Variants in UBAP2L observed in about 807,000 individuals in gnomAD.
The protein encoded by UBAP2L is ubiquitin-associated protein 2-like.
In UBAP2L, 12 loss-of-function variants were observed where a neutral mutation model predicts 130.6. That is an observed-to-expected ratio of 0.09 (90% confidence interval 0.06 to 0.15). UBAP2L has a LOEUF of 0.15. Among genes scored for constraint, UBAP2L ranks in the 10% least tolerant of loss-of-function variants. The probability of loss-of-function intolerance (pLI) is 1.00; values close to 1 mark genes in which losing one functional copy is unlikely to be tolerated. For missense variants in UBAP2L, 965 were observed against 1,332.5 expected, an observed-to-expected ratio of 0.72 and a Z score of 4.29; for synonymous variants, 503 against 524.7, an observed-to-expected ratio of 0.96 and a Z score of 0.57.
intron 24 of UBAP2L, among the ~76,000 whole-genome samples, chr1:154,264,796 T>C (rs1682724167): frequency 6.6e-6 from 1 of 152,184 alleles, no homozygotes; most frequent in Non-Finnish European, 1.5e-5. Flanking sequence ...AATTCTCTCT[T>C]TTGGTTTGAC....
intron 21 of UBAP2L, chr1:154,259,679 AGAG>A (rs1290552397): frequency 1.8e-6 from 1 of 555,052 alleles, no homozygotes; most frequent in African/African-American, 1.9e-5. Context: ...GATGACACCT[AGAG>A]GGTTGAAAAT....
chr1:154,236,418 C>CG, intron 6 of UBAP2L, 148 bp from the exon 7 acceptor site: 1 of 788,798 alleles, frequency 1.3e-6, no homozygotes. Context: ...AGGCTGGTCT[C>CG]GAACTTCTGG....
chr1:154,256,089 G>T (rs916741580), intron 18 of UBAP2L, among the ~76,000 whole-genome samples: 3 of 152,146 alleles, frequency 2.0e-5, no homozygotes, highest in African/African-American at 7.2e-5. Flanking sequence ...CTTGGTCTTG[G>T]GTATGCCCAA....
intron 2 of UBAP2L, 30 bp from the exon 3 acceptor site, chr1:154,227,252 A>C: frequency 6.3e-7 from 1 of 1,594,106 alleles, no homozygotes; most frequent in Non-Finnish European, 8.6e-7. Flanking sequence ...CCTCATGATT[A>C]TGCTTTCTTG....
chr1:154,269,704 T>C, intron 26 of UBAP2L: 1 of 324,684 alleles, frequency 3.1e-6, no homozygotes, highest in Admixed American at 4.2e-5. Flanking sequence ...CATACCTGCC[T>C]GAAATGGGCT....
At position 154,228,741 on chromosome 1, in the gene UBAP2L, A is replaced by G; in HGVS notation, c.279+16A>G. On this transcript the variant is annotated intron_variant, in intron 4 of 26. Transcript: ENST00000428931. ...CCCAGACACGGTAGAGTGCTTATAG[A>G]GTGTTCTAGGACATGGGTCCTCAAT... 6.3e-7 allele frequency: 1 copy of G among 1,594,174 alleles called. No individual in the cohort carries two copies. The highest frequency in any genetic ancestry group is 8.6e-7 in the Non-Finnish European group (1 of 1,168,464).
chr1:154,238,331 AT>A (rs1203063931), intron 8 of UBAP2L, among the ~76,000 whole-genome samples: 2 of 152,218 alleles, frequency 1.3e-5, no homozygotes, highest in South Asian at 2.1e-4. Flanking sequence ...CTTCGGAGGC[AT>A]TAGAACTGTT....
chr1:154,263,485 T>G, intron 24 of UBAP2L: 1 of 1,103,484 alleles, frequency 9.1e-7, no homozygotes. Context: ...TTCAATAAAC[T>G]GTGGTATTTC....
At chr1:154,234,930 A>G in intron 5 of UBAP2L, 171 bp downstream of exon 5, 1 of 830,860 alleles carries the variant, frequency 1.2e-6, no homozygotes. Flanking sequence ...CTTTTCTACC[A>G]ACTGCCACCA....
rs754487470 is a variant in UBAP2L, at chr1:154,228,650, T to C, written c.204T>C (p.Cys68=). ...IDITGKNQDE[C]VIALHDCNGD... ...TTACAGGCAAGAACCAGGATGAATG[T>C]GTGATTGCTTTGCATGACTGCAATG... Residue 68 remains cysteine (C), a synonymous_variant, in exon 4 of 27, where the codon TGT becomes TGC. Coordinates refer to ENST00000428931, the MANE Select transcript of UBAP2L (RefSeq NM_014847.4). The C allele has an allele frequency of 3.1e-6, 5 of 1,613,742 alleles. No individual in the cohort carries two copies. In the African/African-American group the frequency reaches 6.7e-5, roughly 22 times the overall value.
intron 10 of UBAP2L, among the ~76,000 whole-genome samples, chr1:154,244,730 T>G (rs1425116662): frequency 6.6e-6 from 1 of 152,120 alleles, no homozygotes; most frequent in Non-Finnish European, 1.5e-5. Context: ...AAGGTATGAA[T>G]GGGTATGTGG....
chr1:154,229,982 G>A (rs1440659915), intron 4 of UBAP2L, among the ~76,000 whole-genome samples: 1 of 151,988 alleles, frequency 6.6e-6, no homozygotes, highest in Non-Finnish European at 1.5e-5. Context: ...AGCCTCCAGA[G>A]TAGCTGGGAT....
At chr1:154,259,094 T>C (rs1680622887) in intron 21 of UBAP2L, 64 bp downstream of exon 21, 1 of 1,411,172 alleles carries the variant, frequency 7.1e-7, no homozygotes, top group Non-Finnish European at 1.0e-6. Context: ...GGGAGAATTA[T>C]CTCCGTCACA....
intron 4 of UBAP2L, among the ~76,000 whole-genome samples, chr1:154,231,402 G>A (rs1210891598): frequency 6.6e-6 from 1 of 151,516 alleles, no homozygotes; most frequent in African/African-American, 2.4e-5. Context: ...CTGGGCTCAA[G>A]CGTTTTTCCC....
Position 154,257,175 on chromosome 1 carries a change from A to G in UBAP2L, c.2270A>G (p.Asn757Ser), listed in dbSNP as rs1679953166. Residue 757 changes from asparagine (N) to serine (S), a missense_variant, in exon 19 of 27, where the codon AAT (asparagine) becomes AGT (serine). This residue lies in a region of UBAP2L where 393 missense variants were observed against 408.1 expected (regional missense o/e 0.96). Coordinates refer to ENST00000428931, the MANE Select transcript of UBAP2L (RefSeq NM_014847.4). ...GTGGTCAGTGTCTCCTCCAGTCTCAATAGTGGCAGTAGCCTGGGCCTCAGC... is the reference window on the plus strand; with the variant it reads ...GTGGTCAGTGTCTCCTCCAGTCTCAGTAGTGGCAGTAGCCTGGGCCTCAGC... ...PPVVSVSSSL[N>S]SGSSLGLSLG... is the part of the protein sequence containing the mutation. 12 of 1,614,154 alleles carry G rather than the reference A, an allele frequency of 7.4e-6. No individual in the cohort carries two copies. In the East Asian group the frequency reaches 2.0e-4, roughly 27 times the overall value.
intron 2 of UBAP2L, among the ~76,000 whole-genome samples, chr1:154,225,959 G>A (rs1667798353): frequency 6.6e-6 from 1 of 152,158 alleles, no homozygotes; most frequent in Non-Finnish European, 1.5e-5. Context: ...GATTACAGGA[G>A]TGTGCTACCA....
chr1:154,249,223 C>T lies in UBAP2L; in HGVS notation c.1015-16C>T, dbSNP rs749146091. 1.2e-6 allele frequency: 2 copies of T among 1,613,474 alleles called. No individual in the cohort carries two copies. Among genetic ancestry groups the T allele is most frequent in the Non-Finnish European group, 1.7e-6 (2 of 1,179,538 alleles). ...TACTGGCTGTAGGTTTCTCTCATCT[C>T]TTTGTTGATCTACAGGTGAGCATGT... is the stretch of plus-strand genomic sequence containing the variant. On this transcript the variant is annotated splice_polypyrimidine_tract_variant and intron_variant, in intron 11 of 26. Coordinates refer to ENST00000428931, the MANE Select transcript of UBAP2L (RefSeq NM_014847.4).
chr1:154,228,809 C>A, intron 4 of UBAP2L, 84 bp downstream of exon 4: 1 of 1,008,190 alleles, frequency 9.9e-7, no homozygotes, highest in Non-Finnish European at 1.4e-6. Context: ...TGGCAACATA[C>A]CTTAAAGCAG....
chr1:154,247,957 A>C (rs1440355927), intron 11 of UBAP2L, among the ~76,000 whole-genome samples: 1 of 150,806 alleles, frequency 6.6e-6, no homozygotes, highest in East Asian at 1.9e-4. Flanking sequence ...AATTGTTTTT[A>C]TTTTTTATTT....
Sources: gnomAD v4.1 joint callset for allele counts (sites outside exome capture counted in the v4.1 genomes callset) on GRCh38, gnomAD v4.1.1 for gene constraint, gnomAD v4.1.1 regional missense constraint, MANE v1.5 for transcripts, NCBI Gene and HGNC (gene_info 2026-07-23, HGNC 2026-07-21) for gene names.